The following BTBD1 variants were observed in gnomAD, a reference collection of about 807,000 sequenced individuals.
BTBD1 encodes BTB domain containing 1.
Under a neutral mutation model 48.0 loss-of-function variants are expected in BTBD1, and 34 were observed. That is an observed-to-expected ratio of 0.71 (90% CI 0.54 to 0.94). The LOEUF (loss-of-function observed/expected upper bound fraction) is 0.94, where lower values mean the gene tolerates loss of function less well. Ranked by LOEUF, BTBD1 falls within the 40% of genes least tolerant of loss-of-function variation. The pLI, the probability that BTBD1 is intolerant of heterozygous loss-of-function variation, is 0.00. For synonymous variants in BTBD1, 261 were observed against 242.1 expected (o/e 1.08, Z -0.72); for missense variants, 543 against 625.6 (o/e 0.87, Z 1.41).
In BTBD1 at chr15:83,044,789, T is replaced by C. The variant is rs550504201; in HGVS notation, c.665-2864A>G. ...TAGAATAAAAATTCCATCATCACTT[T>C]GGACAGGAGTTAACTAATAGAATGA... On this transcript the variant is annotated intron_variant, in intron 3 of 7. Coordinates refer to ENST00000261721, the MANE Select transcript of BTBD1 (RefSeq NM_025238.4). 5 of 1,377,098 alleles carry C rather than the reference T, an allele frequency of 3.6e-6. No homozygotes were observed. In the East Asian group the frequency reaches 6.9e-5, roughly 19 times the overall value. The allele number at this position is 1,377,098 out of a possible 1,614,324, so 85.3% of individuals were successfully genotyped here.
At chr15:83,030,931 C>G (rs987487167) in intron 4 of BTBD1, among the ~76,000 whole-genome samples, 1 of 152,030 alleles carries the variant, frequency 6.6e-6, no homozygotes, top group Non-Finnish European at 1.5e-5. Flanking sequence ...AACAAATAAT[C>G]CCAGCACAAA....
chr15:83,031,351 C>T (rs2032512296), intron 4 of BTBD1, among the ~76,000 whole-genome samples: 1 of 152,150 alleles, frequency 6.6e-6, no homozygotes, highest in African/African-American at 2.4e-5. Context: ...TGTTCATATC[C>T]TTCGCCCAGC....
At chr15:83,058,472 G>A (rs759707414) in intron 1 of BTBD1, among the ~76,000 whole-genome samples, 1 of 152,262 alleles carries the variant, frequency 6.6e-6, no homozygotes, top group South Asian at 2.1e-4. Flanking sequence ...GGCCAGGCAC[G>A]GTGGCTCATG....
At chr15:83,018,910 GA>G in intron 6 of BTBD1, 57 bp from the exon 7 acceptor site, 1 of 1,339,544 alleles carries the variant, frequency 7.5e-7, no homozygotes, top group South Asian at 1.2e-5. Flanking sequence ...GCAAACTATA[GA>G]AAATAATATA....
intron 1 of BTBD1, among the ~76,000 whole-genome samples, chr15:83,060,273 TATA>T (rs1720078869): frequency 6.6e-6 from 1 of 151,316 alleles, no homozygotes; most frequent in African/African-American, 2.4e-5. Flanking sequence ...TTAGAGTTTT[TATA>T]ATATTTAAAA....
chr15:83,018,431 A>G (rs2032214491), intron 7 of BTBD1, among the ~76,000 whole-genome samples: 1 of 152,238 alleles, frequency 6.6e-6, no homozygotes, highest in Non-Finnish European at 1.5e-5. Flanking sequence ...CTATTAGAGA[A>G]TAGTGAAAAG....
intron 5 of BTBD1, among the ~76,000 whole-genome samples, chr15:83,027,030 C>T (rs1696331091): frequency 6.6e-6 from 1 of 152,018 alleles, no homozygotes; most frequent in Non-Finnish European, 1.5e-5. Flanking sequence ...ATATACACGC[C>T]TCGCATAGAT....
At chr15:83,026,239 A>C (rs2032404166) in intron 5 of BTBD1, among the ~76,000 whole-genome samples, 1 of 152,120 alleles carries the variant, frequency 6.6e-6, no homozygotes, top group Admixed American at 6.6e-5. Flanking sequence ...TATTGGTTCT[A>C]GTAGTTTTTT....
intron 3 of BTBD1, among the ~76,000 whole-genome samples, chr15:83,046,010 C>T (rs910708384): frequency 6.6e-5 from 10 of 152,066 alleles, no homozygotes; most frequent in Non-Finnish European, 1.5e-5. Context: ...ATTCAAATCC[C>T]GGAGGAGAAA....
chr15:83,050,376 C>T (rs1204100300), intron 2 of BTBD1, among the ~76,000 whole-genome samples, 198 bp from the exon 3 acceptor site: 1 of 151,564 alleles, frequency 6.6e-6, no homozygotes, highest in East Asian at 1.9e-4. Context: ...AATACAAATG[C>T]CCTGCTAAGA....
chr15:83,040,699 CAAAAA>C (rs71156070), intron 4 of BTBD1, among the ~76,000 whole-genome samples: 1 of 57,232 alleles, frequency 1.7e-5, no homozygotes, highest in South Asian at 6.4e-4. Context: ...GACCCTGTCT[CAAAAA>C]AAAAAAAAAA....
chr15:83,054,177 A>T (rs1177137923), intron 2 of BTBD1, among the ~76,000 whole-genome samples: 1 of 152,216 alleles, frequency 6.6e-6, no homozygotes, highest in African/African-American at 2.4e-5. Context: ...CGTTCCTACC[A>T]AAATAAAAAA....
chr15:83,049,651 T>A (rs1471628360), intron 3 of BTBD1, among the ~76,000 whole-genome samples: 1 of 152,166 alleles, frequency 6.6e-6, no homozygotes, highest in Non-Finnish European at 1.5e-5. Context: ...GAGGTAAACT[T>A]GTGTCATCGG....
At chr15:83,060,535 T>C (rs557555621) in intron 1 of BTBD1, among the ~76,000 whole-genome samples, 1 of 151,474 alleles carries the variant, frequency 6.6e-6, no homozygotes, top group Non-Finnish European at 1.5e-5. Flanking sequence ...AGCTCACACC[T>C]GTAATCCCAG....
intron 6 of BTBD1, 84 bp downstream of exon 6, chr15:83,020,591 A>C: frequency 1.1e-6 from 1 of 908,456 alleles, no homozygotes; most frequent in Admixed American, 2.2e-5. Context: ...ATTATATTGA[A>C]ATTTGGATTC....
At chr15:83,053,301 G>T (rs975434145) in intron 2 of BTBD1, among the ~76,000 whole-genome samples, 1 of 152,098 alleles carries the variant, frequency 6.6e-6, no homozygotes, top group African/African-American at 2.4e-5. Context: ...TCACTTAGCA[G>T]GAACAAGAAG....
At chr15:83,037,720 C>A (rs965579340) in intron 4 of BTBD1, among the ~76,000 whole-genome samples, 4 of 152,124 alleles carry the variant, frequency 2.6e-5, no homozygotes, top group South Asian at 2.1e-4. Flanking sequence ...ATAAAATGCA[C>A]CCAAATAAGA....
intron 4 of BTBD1, 95 bp downstream of exon 4, chr15:83,041,633 G>A (rs765958928): frequency 1.1e-4 from 130 of 1,174,056 alleles, no homozygotes; most frequent in Non-Finnish European, 1.5e-4. Context: ...TTGGCCTCTC[G>A]AAAGTGCTGG....
At chr15:83,026,532 T>C (rs2032410762) in intron 5 of BTBD1, among the ~76,000 whole-genome samples, 1 of 148,128 alleles carries the variant, frequency 6.8e-6, no homozygotes, top group Admixed American at 6.7e-5. Context: ...TTTTTTTTTT[T>C]TTTTTTTGAG....
Sources: gnomAD v4.1 joint callset for allele counts (sites outside exome capture counted in the v4.1 genomes callset) on GRCh38, gnomAD v4.1.1 for gene constraint, MANE v1.5 for transcripts, NCBI Gene and HGNC (gene_info 2026-07-23, HGNC 2026-07-21) for gene names.